Variants in CNTNAP3B observed in about 807,000 individuals in gnomAD.
CNTNAP3B encodes the protein contactin-associated protein-like 3B.
A neutral mutation model predicts 108.9 loss-of-function variants in CNTNAP3B; 25 were observed. That is an observed-to-expected ratio of 0.23 (90% CI 0.17 to 0.32). The LOEUF (loss-of-function observed/expected upper bound fraction) is 0.32, where lower values mean the gene tolerates loss of function less well. Ranked by LOEUF, CNTNAP3B falls within the 10% of genes least tolerant of loss-of-function variation. CNTNAP3B has a pLI of 1.00. For missense variants in CNTNAP3B, 252 were observed against 1,210.4 expected (o/e 0.21, Z 11.75); for synonymous variants, 103 against 473.4 (o/e 0.22, Z 10.16).
At chr9:41,961,270 A>T (rs1488651380) in intron 11 of CNTNAP3B, among the ~76,000 whole-genome samples, 4 of 152,298 alleles carry the variant, frequency 2.6e-5, no homozygotes, top group African/African-American at 9.6e-5. Flanking sequence ...TCTTTTGGCA[A>T]TGTCTAGAGA....
At chr9:41,943,598 C>T (rs914537829) in intron 13 of CNTNAP3B, among the ~76,000 whole-genome samples, 9 of 151,062 alleles carry the variant, frequency 6.0e-5, no homozygotes, top group South Asian at 4.2e-4. Context: ...GTGATCCGCC[C>T]GCCTCGGCCT....
chr9:41,963,218 TC>T (rs1208400411), intron 11 of CNTNAP3B, among the ~76,000 whole-genome samples: 2 of 152,284 alleles, frequency 1.3e-5, no homozygotes, highest in Non-Finnish European at 2.9e-5. Context: ...ATGGAAGAGT[TC>T]TTAAAAGTTT....
intron 1 of CNTNAP3B, among the ~76,000 whole-genome samples, chr9:42,112,868 GTTT>G (rs61267342): frequency 1.0e-5 from 1 of 95,514 alleles, no homozygotes; most frequent in South Asian, 3.6e-4. Flanking sequence ...AGTTTACAGA[GTTT>G]TTTTTTTTTT....
chr9:41,957,909 C>T (rs1247277133), intron 12 of CNTNAP3B, among the ~76,000 whole-genome samples: 30 of 151,604 alleles, frequency 2.0e-4, no homozygotes, highest in South Asian at 2.1e-4. Context: ...TACAGGCACC[C>T]GCCACTACGC....
intron 18 of CNTNAP3B, among the ~76,000 whole-genome samples, chr9:41,919,380 C>T (rs1348671628): frequency 2.0e-5 from 3 of 151,566 alleles, no homozygotes; most frequent in African/African-American, 7.3e-5. Context: ...TCCCAAAGTG[C>T]TGGGATTACA....
intron 11 of CNTNAP3B, among the ~76,000 whole-genome samples, chr9:41,962,334 A>T (rs1478288717): frequency 6.6e-6 from 1 of 152,284 alleles, no homozygotes; most frequent in Admixed American, 6.5e-5. Context: ...CAATTATTAG[A>T]TGAGACTGAC....
At chr9:42,098,491 G>C (rs1199024197) in intron 2 of CNTNAP3B, among the ~76,000 whole-genome samples, 1 of 105,208 alleles carries the variant, frequency 9.5e-6, no homozygotes, top group Non-Finnish European at 1.9e-5. Flanking sequence ...GCTGAGGCAG[G>C]AGAATGGCAT....
intron 3 of CNTNAP3B, among the ~76,000 whole-genome samples, chr9:42,076,221 C>A (rs1484046236): frequency 2.7e-5 from 2 of 74,426 alleles, no homozygotes; most frequent in Non-Finnish European, 5.1e-5. Context: ...TCGAGACCAG[C>A]CTGGCCAAAA....
chr9:41,982,974 G>A (rs1359072612), intron 9 of CNTNAP3B, among the ~76,000 whole-genome samples: 1 of 129,650 alleles, frequency 7.7e-6, no homozygotes, highest in African/African-American at 3.2e-5. Flanking sequence ...TGACTTATGA[G>A]TGGGAGCTTA....
intron 9 of CNTNAP3B, among the ~76,000 whole-genome samples, chr9:41,977,688 G>T (rs911449030): frequency 1.5e-5 from 2 of 129,860 alleles, no homozygotes; most frequent in Admixed American, 1.5e-4. Context: ...CGCAGTCTCA[G>T]CTCACTGTAT....
chr9:41,952,491 T>G (rs1824718698), intron 13 of CNTNAP3B, among the ~76,000 whole-genome samples: 1 of 152,264 alleles, frequency 6.6e-6, no homozygotes, highest in Admixed American at 6.5e-5. Context: ...TGGAAACTGT[T>G]GGAGAGCAGC....
At chr9:41,944,807 G>T (rs1361159138) in intron 13 of CNTNAP3B, among the ~76,000 whole-genome samples, 10 of 152,286 alleles carry the variant, frequency 6.6e-5, no homozygotes, top group Admixed American at 1.3e-4. Flanking sequence ...CACAGCAAAA[G>T]AAACTACCAT....
At chr9:42,116,280 C>T (rs1476416514) in intron 1 of CNTNAP3B, among the ~76,000 whole-genome samples, 5 of 133,022 alleles carry the variant, frequency 3.8e-5, no homozygotes, top group East Asian at 2.3e-4. Context: ...AGAGAAAGGT[C>T]GGGTTACTCA....
At chr9:41,978,805 C>T (rs970540024) in intron 9 of CNTNAP3B, among the ~76,000 whole-genome samples, 1 of 144,086 alleles carries the variant, frequency 6.9e-6, no homozygotes, top group African/African-American at 2.7e-5. Flanking sequence ...ACTTCACTCC[C>T]CTCTGCCATC....
intron 8 of CNTNAP3B, among the ~76,000 whole-genome samples, chr9:41,989,856 C>A (rs1398909130): frequency 1.3e-5 from 2 of 148,358 alleles, no homozygotes; most frequent in Non-Finnish European, 3.0e-5. Context: ...AACGTAGGTG[C>A]CTGGCTCCAA....
In CNTNAP3B at chr9:42,095,931, G is replaced by A. The variant is rs1249615993; in HGVS notation, c.196+8698C>T. ...TCAGGGATGGCGACCTGCTGCCGAC[G>A]GAGCCAAGTCCTCCCATCCCAGGCT... On this transcript the variant is annotated intron_variant, in intron 2 of 23. Transcript: ENST00000377561. Among the ~76,000 whole-genome samples, 14 of 138,726 alleles carry A rather than the reference G, an allele frequency of 1.0e-4. 2 individuals are homozygous for A. The highest frequency in any genetic ancestry group is 3.2e-4 in the African/African-American group (11 of 34,912). 91.0% of individuals were successfully genotyped at this position (138,726 alleles called of 152,430 possible). A position where few individuals can be genotyped will look rare whatever the true frequency, so the allele number is the denominator to read the frequency against.
At chr9:42,062,580 G>T (rs1389289657) in intron 3 of CNTNAP3B, among the ~76,000 whole-genome samples, 2 of 113,472 alleles carry the variant, frequency 1.8e-5, no homozygotes, top group African/African-American at 3.7e-5. Flanking sequence ...TATGTCTTCT[G>T]ATTGAATAGT....
intron 18 of CNTNAP3B, among the ~76,000 whole-genome samples, chr9:41,919,302 G>T (rs1307625086): frequency 1.3e-5 from 2 of 152,082 alleles, no homozygotes; most frequent in African/African-American, 4.8e-5. Context: ...TTTTAGTAAA[G>T]ATGAGGTTTC....
chr9:41,960,343 G>C (rs1166874760), intron 12 of CNTNAP3B: 1 of 173,870 alleles, frequency 5.8e-6, no homozygotes, highest in Admixed American at 5.8e-5. Context: ...AAATAATCAA[G>C]TTTCTTTGGT....
Sources: gnomAD v4.1 joint callset for allele counts (sites outside exome capture counted in the v4.1 genomes callset) on GRCh38, gnomAD v4.1.1 for gene constraint, MANE v1.5 for transcripts, NCBI Gene and HGNC (gene_info 2026-07-23, HGNC 2026-07-21) for gene names.